Variants in AP1M1 observed in about 807,000 individuals in gnomAD.
The protein encoded by AP1M1 is adaptor related protein complex 1 subunit mu 1, also known as AP-1 complex subunit mu-1.
Under a neutral mutation model 57.1 loss-of-function variants are expected in AP1M1, and 18 were observed. The ratio of observed to expected loss-of-function variants is 0.32; its 90% CI spans 0.22 to 0.47. The LOEUF (loss-of-function observed/expected upper bound fraction) is 0.47, where lower values mean the gene tolerates loss of function less well. Ranked by LOEUF, AP1M1 falls within the 20% of genes least tolerant of loss-of-function variation. AP1M1 has a pLI of 1.00. For synonymous variants in AP1M1, 241 were observed against 237.9 expected, an observed-to-expected ratio of 1.01 and a Z score of -0.12; for missense variants, 362 against 593.5, an observed-to-expected ratio of 0.61 and a Z score of 4.05.
chr19:16,212,413 G>A lies in AP1M1; in HGVS notation c.546+3236G>A, dbSNP rs1005430607. ...AGAAGTGTTAATAATAGTCTCTAAG[G>A]GTTATTTGTAGTTCTGTGGGGTCAA... On this transcript the variant is annotated intron_variant, in intron 5 of 11. Coordinates refer to ENST00000291439, the MANE Select transcript of AP1M1 (RefSeq NM_032493.4). Among the ~76,000 whole-genome samples, 3 of 152,100 alleles carry A rather than the reference G, an allele frequency of 2.0e-5. No individual in the cohort carries two copies. In the South Asian group the frequency reaches 6.2e-4, roughly 32 times the overall value.
intron 9 of AP1M1, among the ~76,000 whole-genome samples, chr19:16,230,489 C>G (rs2145140123): frequency 6.6e-6 from 1 of 151,756 alleles, no homozygotes; most frequent in South Asian, 2.1e-4. Context: ...CAACCTGTGC[C>G]TCCCAGGTTC....
intron 1 of AP1M1, among the ~76,000 whole-genome samples, chr19:16,199,626 C>T (rs897086162): frequency 1.3e-5 from 2 of 150,310 alleles, no homozygotes; most frequent in Non-Finnish European, 3.0e-5. Context: ...TTCCTGAAGT[C>T]CCTTGAGTGG....
chr19:16,216,349 G>T (rs576375418), intron 5 of AP1M1, among the ~76,000 whole-genome samples: 2 of 152,198 alleles, frequency 1.3e-5, no homozygotes, highest in South Asian at 4.2e-4. Context: ...GGAGGCTGAG[G>T]CAGGAGAATG....
intron 1 of AP1M1, among the ~76,000 whole-genome samples, chr19:16,200,594 G>A (rs550664002): frequency 6.6e-6 from 1 of 152,136 alleles, no homozygotes; most frequent in South Asian, 2.1e-4. Context: ...AGTCAGCCTC[G>A]TGAGCCGACT....
Position 16,228,919 on chromosome 19 carries a change from G to C in AP1M1, c.1038G>C (p.Lys346Asn). 1 of 1,613,952 alleles carries C rather than the reference G, an allele frequency of 6.2e-7. No homozygotes were observed. The highest frequency in any genetic ancestry group is 8.5e-7 in the Non-Finnish European group (1 of 1,179,916). ...ACAGCGAGATCGTGTGGTCCATCAAGTCCTTCCCGGTGAGCACTCTGTCCA... is the reference window on the plus strand; with the variant it reads ...ACAGCGAGATCGTGTGGTCCATCAACTCCTTCCCGGTGAGCACTCTGTCCA... The part of the protein sequence containing the change: ...PENSEIVWSI[K>N]SFPGGKEYLM... The change falls in exon 9 of 12, where the codon AAG becomes AAC. Residue 346 changes from lysine to asparagine, a missense_variant. Physicochemically the swap from Lys to Asn is moderately conservative, Grantham distance 94. Coordinates refer to ENST00000291439, the MANE Select transcript of AP1M1 (RefSeq NM_032493.4). The surrounding 1 kb of genome is among the most constrained non-coding windows in gnomAD (Gnocchi z 5.0).
intron 10 of AP1M1, 108 bp from the exon 11 acceptor site, chr19:16,234,088 TGTC>T: frequency 9.4e-7 from 1 of 1,058,656 alleles, no homozygotes; most frequent in African/African-American, 1.6e-5. Context: ...GTGCTCATCC[TGTC>T]GTCATGGCCT....
chr19:16,210,260 A>G, intron 5 of AP1M1: 3 of 660,358 alleles, frequency 4.5e-6, no homozygotes, highest in South Asian at 1.7e-5. Context: ...CCACAGAAGG[A>G]CATTTGGGTG....
intron 1 of AP1M1, among the ~76,000 whole-genome samples, chr19:16,200,281 C>G (rs1342976867): frequency 6.6e-6 from 1 of 152,154 alleles, no homozygotes; most frequent in Non-Finnish European, 1.5e-5. Context: ...GAAAGGCTCC[C>G]TGAAGAGGGC....
intron 5 of AP1M1, among the ~76,000 whole-genome samples, chr19:16,220,722 A>G (rs974063980): frequency 6.6e-6 from 1 of 152,196 alleles, no homozygotes; most frequent in African/African-American, 2.4e-5. Context: ...CCATTCTTGT[A>G]GAGGAGGTCT....
chr19:16,229,762 T>C (rs183153948), intron 9 of AP1M1, among the ~76,000 whole-genome samples: 1 of 152,354 alleles, frequency 6.6e-6, no homozygotes, highest in African/African-American at 2.4e-5. Context: ...CCCCACCACC[T>C]AATACTCCCG....
intron 5 of AP1M1, among the ~76,000 whole-genome samples, chr19:16,218,532 C>A (rs1394016968): frequency 6.6e-6 from 1 of 152,186 alleles, no homozygotes; most frequent in Non-Finnish European, 1.5e-5. Flanking sequence ...CCAGCCTCCT[C>A]CTCTGCCTTC....
chr19:16,232,271 T>G (rs1414651558), intron 9 of AP1M1, among the ~76,000 whole-genome samples: 1 of 152,234 alleles, frequency 6.6e-6, no homozygotes, highest in African/African-American at 2.4e-5. Context: ...TCACTGTGCC[T>G]TTGTGGCGTC....
In AP1M1 at chr19:16,245,707, A is replaced by G. The variant is rs1205360300; in HGVS notation, c.*11272A>G. 3.3e-5 allele frequency: 5 copies of G among 152,114 alleles called. No homozygotes were observed. The highest frequency in any genetic ancestry group is 2.0e-4 in the Admixed American group (3 of 15,250). 9.4% of individuals were successfully genotyped at this position (152,114 alleles called of 1,614,324 possible). A position where few individuals can be genotyped will look rare whatever the true frequency, so the allele number is the denominator to read the frequency against. ...CCCTTTACATTTAATGTAATAACTGATATTACATTTAAGTATAAATTTAAA... is the reference window on the plus strand; with the variant it reads ...CCCTTTACATTTAATGTAATAACTGGTATTACATTTAAGTATAAATTTAAA... On this transcript the variant is annotated 3_prime_UTR_variant, in exon 12 of 12. Transcript: ENST00000291439.
At position 16,228,755 on chromosome 19, in the gene AP1M1, T is replaced by C; in HGVS notation, c.889-15T>C. On this transcript the variant is annotated splice_polypyrimidine_tract_variant and intron_variant, in intron 8 of 11. Transcript: ENST00000291439. This position sits in a 1 kb window ranked among gnomAD's most constrained non-coding sequence, Gnocchi z 5.0. ...TGGCCTCCATAACCCCGGGCCGCAT[T>C]GGCCTGGCCTGCAGGCCAAAAGCCA... The C allele has an allele frequency of 6.2e-7, 1 of 1,613,176 alleles. No homozygotes were observed. The highest frequency in any genetic ancestry group is 1.1e-5 in the South Asian group (1 of 91,078).
rs71178658 is a variant in AP1M1 at position 16,214,052 on chromosome 19, C to CTTTTTTTTTTTTTT, written c.546+4876_546+4889dup. 2.2e-5 allele frequency among the ~76,000 whole-genome samples: 3 copies of CTTTTTTTTTTTTTT among 139,514 alleles called. 1 individual carries two copies. The highest frequency in any genetic ancestry group is 4.6e-5 in the Non-Finnish European group (3 of 65,312). 91.5% of individuals were successfully genotyped at this position (139,514 alleles called of 152,430 possible). A position where few individuals can be genotyped will look rare whatever the true frequency, so the allele number is the denominator to read the frequency against. On this transcript the variant is annotated intron_variant, in intron 5 of 11. Coordinates refer to ENST00000291439, the MANE Select transcript of AP1M1 (RefSeq NM_032493.4). Reference sequence around the variant, plus strand: ...AGTAATGGCCTTTTCTTTCCTTTTTCTTTTTTTTTTTTTTGAGACAAAGTC... The same window carrying CTTTTTTTTTTTTTT: ...AGTAATGGCCTTTTCTTTCCTTTTTCTTTTTTTTTTTTTTTTTTTTTTTTTTTTGAGACAAAGTC...
intron 1 of AP1M1, among the ~76,000 whole-genome samples, chr19:16,198,901 G>A (rs552636132): frequency 2.0e-5 from 3 of 151,820 alleles, no homozygotes; most frequent in South Asian, 2.1e-4. Context: ...TCCGCCTCCC[G>A]GGTTCAAGCA....
intron 6 of AP1M1, 149 bp downstream of exon 6, chr19:16,226,696 G>A (rs2091572755): frequency 2.0e-6 from 2 of 1,022,568 alleles, no homozygotes; most frequent in Admixed American, 2.7e-5. Flanking sequence ...AGACAGCTGT[G>A]TAGAGTATTC....
At position 16,229,873 on chromosome 19, in the gene AP1M1, G is replaced by A. The variant is rs77370543; in HGVS notation, c.1047+945G>A. ...CTCAGTGCCTGCCCTTCCACGTGGC[G>A]CTGCGGCAGAGCGTTTTCCTTCTGG... On this transcript the variant is annotated intron_variant, in intron 9 of 11. Transcript: ENST00000291439. Among the ~76,000 whole-genome samples the A allele has an allele frequency of 3.1e-3, 471 of 152,284 alleles. 10 individuals carry two copies. Among genetic ancestry groups the A allele is most frequent in the Admixed American group, 0.01 (157 of 15,302 alleles).
chr19:16,223,232 TCTC>T (rs1167184269), intron 5 of AP1M1, among the ~76,000 whole-genome samples: 1 of 152,202 alleles, frequency 6.6e-6, no homozygotes. Context: ...CCTGGTCAGA[TCTC>T]CTGGGCGTGC....
Sources: gnomAD v4.1 joint callset for allele counts (sites outside exome capture counted in the v4.1 genomes callset) on GRCh38, gnomAD v4.1.1 for gene constraint, Gnocchi (gnomAD v3.1) non-coding constraint, MANE v1.5 for transcripts, NCBI Gene and HGNC (gene_info 2026-07-23, HGNC 2026-07-21) for gene names.